NCOA3: variants seen among roughly 807,000 people sequenced by gnomAD.
NCOA3 encodes the protein CBP-interacting protein.
NCOA3 carries 51 observed loss-of-function variants against 158.8 expected under a neutral mutation model. The ratio of observed to expected loss-of-function variants is 0.32; its 90% CI spans 0.26 to 0.41. NCOA3 has a LOEUF of 0.41. NCOA3 is among the 10% of genes least tolerant of loss of function. The pLI is 1.00. For missense variants in NCOA3, 1,510 were observed against 1,746.6 expected (o/e 0.86, Z 2.41); for synonymous variants, 537 against 592.4 (o/e 0.91, Z 1.36).
chr20:47,600,415 A>G lies in NCOA3; in HGVS notation c.-20+17154A>G, dbSNP rs542216454. On this transcript the variant is annotated intron_variant, in intron 2 of 22. Coordinates refer to ENST00000371998, the MANE Select transcript of NCOA3 (RefSeq NM_181659.3). ...GGTCTCGAACTCGTGACCTCAGACA[A>G]TCTGCCCGCCTCGGCCTCCCAAAGT... 1.7e-4 allele frequency among the ~76,000 whole-genome samples: 26 copies of G among 152,016 alleles called. No individual in the cohort carries two copies. In the South Asian group the frequency reaches 4.2e-3, roughly 24 times the overall value.
intron 1 of NCOA3, among the ~76,000 whole-genome samples, chr20:47,573,937 C>G (rs555412470): frequency 6.6e-6 from 1 of 152,246 alleles, no homozygotes; most frequent in Non-Finnish European, 1.5e-5. Context: ...AAATAACAAC[C>G]CTTTTCCTGC....
intron 1 of NCOA3, among the ~76,000 whole-genome samples, chr20:47,509,063 A>ATACCACTTTAAGCTCTTTATACCACTT (rs2084073511): frequency 6.6e-6 from 1 of 152,182 alleles, no homozygotes; most frequent in Non-Finnish European, 1.5e-5. Flanking sequence ...TTTATACCAG[A>ATACCACTTTAAGCTCTTTATACCACTT]TAACCGTGTG....
At chr20:47,531,696 C>T (rs767699555) in intron 1 of NCOA3, among the ~76,000 whole-genome samples, 8 of 152,156 alleles carry the variant, frequency 5.3e-5, no homozygotes, top group Non-Finnish European at 8.8e-5. Flanking sequence ...CCTCTTCATG[C>T]ACTTCCCCTT....
At chr20:47,511,550 T>TATATATATATATATATATATATATACAC in intron 1 of NCOA3, among the ~76,000 whole-genome samples, 33 of 52,256 alleles carry the variant, frequency 6.3e-4, no homozygotes, top group East Asian at 1.7e-3. Flanking sequence ...TATATATATA[T>TATATATATATATATATATATATATACAC]ATATATTTCT....
rs59554529 is a variant in NCOA3 at position 47,510,432 on chromosome 20, C to CAAA, written c.-99+8426_-99+8428dup. 1.4e-3 allele frequency among the ~76,000 whole-genome samples: 98 copies of CAAA among 67,862 alleles called. 6 individuals carry two copies. In the East Asian group the frequency reaches 0.036, roughly 25 times the overall value. The allele number at this position is 67,862 out of a possible 152,430, so 44.5% of individuals were successfully genotyped here. ...TGGGTGACAGAGCAAGACTCCATCT[C>CAAA]AAAAAAAAAAAAAAAGTACACGATC... On this transcript the variant is annotated intron_variant, in intron 1 of 22. Transcript: ENST00000371998.
intron 1 of NCOA3, among the ~76,000 whole-genome samples, chr20:47,529,836 G>T (rs1461424736): frequency 6.6e-6 from 1 of 152,132 alleles, no homozygotes; most frequent in Non-Finnish European, 1.5e-5. Flanking sequence ...ATTTAAGAAG[G>T]CTAGTTTAAA....
intron 1 of NCOA3, among the ~76,000 whole-genome samples, chr20:47,579,120 G>A (rs1239950110): frequency 6.6e-6 from 1 of 152,046 alleles, no homozygotes. Flanking sequence ...GTCCTTTTAG[G>A]TCTCTGGTGA....
In NCOA3 at chr20:47,620,352, CAA is replaced by C. The variant is rs1257538407; in HGVS notation, c.-19-1875_-19-1874del. Among the ~76,000 whole-genome samples, 19 of 152,300 alleles carry C rather than the reference CAA, an allele frequency of 1.2e-4. 1 individual carries two copies. The highest frequency in any genetic ancestry group is 4.6e-4 in the African/African-American group (19 of 41,562). ...GTCTCAAACTCAAGTGCCTCAAACTCAAACTGCCTGAGCCTCCCAAAGCACTG... is the reference window on the plus strand; with the variant it reads ...GTCTCAAACTCAAGTGCCTCAAACTCACTGCCTGAGCCTCCCAAAGCACTG... On this transcript the variant is annotated intron_variant, in intron 2 of 22. Transcript: ENST00000371998.
chr20:47,567,756 A>G (rs568779337), intron 1 of NCOA3, among the ~76,000 whole-genome samples: 7 of 152,044 alleles, frequency 4.6e-5, no homozygotes, highest in Non-Finnish European at 1.0e-4. Flanking sequence ...TTTTTAGTAG[A>G]GACGGGGTTT....
At chr20:47,648,183 G>A (rs952140500) in intron 18 of NCOA3, among the ~76,000 whole-genome samples, 1 of 152,044 alleles carries the variant, frequency 6.6e-6, no homozygotes, top group East Asian at 1.9e-4. Flanking sequence ...GGGATTACAG[G>A]TGTGAGCCAC....
At chr20:47,528,981 G>A (rs979585668) in intron 1 of NCOA3, among the ~76,000 whole-genome samples, 1 of 152,126 alleles carries the variant, frequency 6.6e-6, no homozygotes, top group East Asian at 1.9e-4. Flanking sequence ...TGGTCAGGCT[G>A]GTCTCGAACT....
At chr20:47,626,724 G>C (rs1300152460) in intron 5 of NCOA3, among the ~76,000 whole-genome samples, 1 of 152,166 alleles carries the variant, frequency 6.6e-6, no homozygotes, top group Non-Finnish European at 1.5e-5. Context: ...CAGGATCAAG[G>C]TGTCAGCAGG....
chr20:47,594,257 C>G (rs982332448), intron 2 of NCOA3, among the ~76,000 whole-genome samples: 2 of 152,044 alleles, frequency 1.3e-5, no homozygotes, highest in African/African-American at 4.8e-5. Context: ...AGGTTCTTTC[C>G]AGCTTTAATT....
intron 1 of NCOA3, among the ~76,000 whole-genome samples, chr20:47,570,984 A>ATATGTGTG (rs1555805798): frequency 8.3e-6 from 1 of 120,762 alleles, no homozygotes; most frequent in African/African-American, 3.3e-5. Context: ...ATATACATAT[A>ATATGTGTG]TGTGTGTGTG....
intron 2 of NCOA3, among the ~76,000 whole-genome samples, chr20:47,591,735 A>AC (rs2085644366): frequency 7.1e-6 from 1 of 140,176 alleles, no homozygotes; most frequent in Non-Finnish European, 1.5e-5. Flanking sequence ...TGGTGTTGTA[A>AC]CCTCCTCCCC....
At chr20:47,652,042 A>C (rs1486521900) in intron 20 of NCOA3, among the ~76,000 whole-genome samples, 1 of 152,052 alleles carries the variant, frequency 6.6e-6, no homozygotes, top group Admixed American at 6.6e-5. Flanking sequence ...GGTGGGAATA[A>C]AGGTGTCTAT....
chr20:47,535,275 C>T (rs2084614203), intron 1 of NCOA3, among the ~76,000 whole-genome samples: 1 of 152,208 alleles, frequency 6.6e-6, no homozygotes, highest in Admixed American at 6.6e-5. Context: ...TGTTTTTGGG[C>T]TTTGACTCCA....
At chr20:47,553,660 G>A (rs1206089551) in intron 1 of NCOA3, among the ~76,000 whole-genome samples, 3 of 146,574 alleles carry the variant, frequency 2.0e-5, no homozygotes, top group East Asian at 2.1e-4. Context: ...TTGGTTTTTT[G>A]TCCTTGCGAT....
intron 2 of NCOA3, among the ~76,000 whole-genome samples, chr20:47,593,199 C>T (rs1377601486): frequency 2.0e-5 from 3 of 152,038 alleles, no homozygotes; most frequent in African/African-American, 7.2e-5. Flanking sequence ...TCCCAAAGTG[C>T]TGGGACTACA....
Sources: allele counts gnomAD v4.1 joint callset (sites outside exome capture counted in the v4.1 genomes callset), GRCh38; gene constraint gnomAD v4.1.1; transcripts MANE v1.5; gene names NCBI Gene and HGNC (gene_info 2026-07-23, HGNC 2026-07-21).